Variants in ANKS1A observed in about 807,000 individuals in gnomAD.
ANKS1A encodes ankyrin repeat and SAM domain-containing protein 1A.
Under a neutral mutation model 120.3 loss-of-function variants are expected in ANKS1A, and 55 were observed. That is an observed-to-expected ratio of 0.46 (90% CI 0.37 to 0.57). The LOEUF (loss-of-function observed/expected upper bound fraction) is 0.57. Among genes scored for constraint, ANKS1A ranks in the 20% least tolerant of loss-of-function variants. ANKS1A has a pLI of 0.00. For missense variants in ANKS1A, 1,123 were observed against 1,480.3 expected, an observed-to-expected ratio of 0.76 and a Z score of 3.96; for synonymous variants, 590 against 604.7, an observed-to-expected ratio of 0.98 and a Z score of 0.36.
chr6:35,063,223 C>T (rs1776607350), intron 13 of ANKS1A, among the ~76,000 whole-genome samples: 1 of 152,210 alleles, frequency 6.6e-6, no homozygotes, highest in African/African-American at 2.4e-5. Context: ...CCAGCCAGCC[C>T]ACGAGCCCAC....
chr6:34,948,172 C>G (rs554683464), intron 1 of ANKS1A, among the ~76,000 whole-genome samples: 1 of 147,010 alleles, frequency 6.8e-6, no homozygotes, highest in South Asian at 2.1e-4. Flanking sequence ...TTTTAATGTT[C>G]CAAAGTAATG....
chr6:34,892,037 A>C (rs1042956727), intron 1 of ANKS1A, among the ~76,000 whole-genome samples: 80 of 152,348 alleles, frequency 5.3e-4, no homozygotes, highest in Non-Finnish European at 1.3e-4. Flanking sequence ...CCTGTTGAGC[A>C]CAATGCTTCT....
chr6:34,993,113 C>A (rs953583698), intron 9 of ANKS1A, among the ~76,000 whole-genome samples: 1 of 152,200 alleles, frequency 6.6e-6, no homozygotes, highest in Non-Finnish European at 1.5e-5. Context: ...CCAAACTGAT[C>A]AAGAAGAGAT....
intron 1 of ANKS1A, among the ~76,000 whole-genome samples, chr6:34,892,710 C>A (rs1466951452): frequency 6.6e-6 from 1 of 152,228 alleles, no homozygotes; most frequent in Non-Finnish European, 1.5e-5. Flanking sequence ...TTCCTGATGA[C>A]CCTAATACAC....
At chr6:34,987,666 C>T (rs769625332) in intron 8 of ANKS1A, among the ~76,000 whole-genome samples, 10 of 152,136 alleles carry the variant, frequency 6.6e-5, no homozygotes, top group Admixed American at 1.3e-4. Flanking sequence ...TGGGAATGAC[C>T]GACTTATCAA....
Position 35,050,597 on chromosome 6 carries a change from G to A in ANKS1A, c.2011-3502G>A, listed in dbSNP as rs1482342298. 1.3e-5 allele frequency among the ~76,000 whole-genome samples: 2 copies of A among 152,202 alleles called. No homozygotes were observed. The highest frequency in any genetic ancestry group is 1.9e-4 in the East Asian group (1 of 5,202). ...CTGCTGTGTCTGAACGCTCTTCTTT[G>A]TGTAGATTGAAATGATCTTATTTCC... On this transcript the variant is annotated intron_variant, in intron 11 of 23. Transcript: ENST00000360359. This position sits in a 1 kb window ranked among gnomAD's most constrained non-coding sequence, Gnocchi z 4.3.
rs190417736 is a variant in ANKS1A at position 34,955,228 on chromosome 6, C to T, written c.198-12011C>T. ...CTTGGCTCACTGTGACCTCCACCTC[C>T]CAGGTTCAAGTGATTCTCCTGCCTC... On this transcript the variant is annotated intron_variant, in intron 1 of 23. Coordinates refer to ENST00000360359, the MANE Select transcript of ANKS1A (RefSeq NM_015245.3). 4.0e-3 allele frequency among the ~76,000 whole-genome samples: 601 copies of T among 151,998 alleles called. 1 individual carries two copies. The highest frequency in any genetic ancestry group is 0.018 in the South Asian group (86 of 4,804).
rs1339847031 is a variant in ANKS1A, at chr6:35,017,619, G to T, written c.1570G>T (p.Gly524Cys). The T allele has an allele frequency of 6.2e-7, 1 of 1,613,728 alleles. No individual in the cohort carries two copies. Among genetic ancestry groups the T allele is most frequent in the African/African-American group, 1.3e-5 (1 of 74,902 alleles). Residue 524 changes from glycine to cysteine, a missense_variant, in exon 11 of 24, where the codon GGC becomes TGC. Coordinates refer to ENST00000360359, the MANE Select transcript of ANKS1A (RefSeq NM_015245.3). Reference protein sequence around the residue: ...QDPFQLLCTAGQSHPDGSPQQ... With the variant: ...QDPFQLLCTACQSHPDGSPQQ... ...CCCTTTCCAGCTGCTCTGTACCGCT[G>T]GCCAGAGCCATCCAGACGGGTCCCC...
intron 1 of ANKS1A, among the ~76,000 whole-genome samples, chr6:34,901,772 A>G (rs1767362492): frequency 6.6e-6 from 1 of 152,146 alleles, no homozygotes; most frequent in African/African-American, 2.4e-5. Context: ...TGGCCTCCCA[A>G]AGTGTTGGGA....
chr6:34,929,821 C>G (rs1768896524), intron 1 of ANKS1A, among the ~76,000 whole-genome samples: 4 of 128,986 alleles, frequency 3.1e-5, no homozygotes, highest in Admixed American at 1.8e-4. Flanking sequence ...CTCTCTCTTT[C>G]TCTTTCTTTC....
At chr6:35,071,744 G>T (rs1020135718) in intron 13 of ANKS1A, among the ~76,000 whole-genome samples, 15 of 152,240 alleles carry the variant, frequency 9.9e-5, no homozygotes, top group Admixed American at 2.6e-4. Context: ...ATGTGTCAGG[G>T]TCCTGTTTCC....
downstream of ANKS1A, among the ~76,000 whole-genome samples, chr6:35,093,706 A>G (rs1322247339): frequency 2.0e-5 from 3 of 152,202 alleles, no homozygotes; most frequent in African/African-American, 7.2e-5. Flanking sequence ...CCCAGTGGAA[A>G]CACCAGTGGG....
At position 34,960,161 on chromosome 6, in the gene ANKS1A, C is replaced by A. The variant is rs528911815; in HGVS notation, c.198-7078C>A. Among the ~76,000 whole-genome samples, 5 of 152,298 alleles carry A rather than the reference C, an allele frequency of 3.3e-5. No homozygotes were observed. The South Asian group carries it at 8.3e-4, about 25-fold the overall frequency. The stretch of plus-strand genomic sequence containing the variant: ...TGCTACTCTGCCTGTCTACCTCAGA[C>A]CCCCTCACGGCTCTTTACTTTATTC... On this transcript the variant is annotated intron_variant, in intron 1 of 23. Coordinates refer to ENST00000360359, the MANE Select transcript of ANKS1A (RefSeq NM_015245.3).
At chr6:34,919,044 G>A (rs368077741) in intron 1 of ANKS1A, among the ~76,000 whole-genome samples, 2 of 152,150 alleles carry the variant, frequency 1.3e-5, no homozygotes, top group South Asian at 4.1e-4. Context: ...TAGAGACACG[G>A]TTTCACCATG....
chr6:35,032,459 C>A (rs1774954141), intron 11 of ANKS1A, among the ~76,000 whole-genome samples: 1 of 152,208 alleles, frequency 6.6e-6, no homozygotes, highest in East Asian at 1.9e-4. Flanking sequence ...AGAGACCTTT[C>A]CAGAGTAGTA....
At chr6:34,962,011 G>A (rs1770664292) in intron 1 of ANKS1A, among the ~76,000 whole-genome samples, 2 of 152,144 alleles carry the variant, frequency 1.3e-5, no homozygotes, top group Non-Finnish European at 2.9e-5. Context: ...TGTCACCTGT[G>A]CTATAATGAT....
chr6:35,029,645 C>T (rs1001692365), intron 11 of ANKS1A, among the ~76,000 whole-genome samples: 1 of 151,278 alleles, frequency 6.6e-6, no homozygotes, highest in Admixed American at 6.6e-5. Context: ...CCACGGCGCC[C>T]AGTCGACTTC....
At chr6:35,043,082 A>C (rs1276787636) in intron 11 of ANKS1A, among the ~76,000 whole-genome samples, 2 of 152,176 alleles carry the variant, frequency 1.3e-5, no homozygotes, top group Non-Finnish European at 2.9e-5. Context: ...CAGGGTAGGT[A>C]GGAGGACTGT....
chr6:34,896,370 G>A (rs1767084199), intron 1 of ANKS1A, among the ~76,000 whole-genome samples: 1 of 152,084 alleles, frequency 6.6e-6, no homozygotes, highest in African/African-American at 2.4e-5. Context: ...CCCACGCCCA[G>A]CCAAGAATGT....
Sources: gnomAD v4.1 joint callset for allele counts (sites outside exome capture counted in the v4.1 genomes callset) on GRCh38, gnomAD v4.1.1 for gene constraint, Gnocchi (gnomAD v3.1) non-coding constraint, MANE v1.5 for transcripts, NCBI Gene and HGNC (gene_info 2026-07-23, HGNC 2026-07-21) for gene names.